Variants in NETO1 observed in about 807,000 individuals in gnomAD.
NETO1 encodes neuropilin and tolloid-like protein 1.
NETO1 carries 26 observed loss-of-function variants against 61.3 expected under a neutral mutation model. The ratio of observed to expected loss-of-function variants is 0.42; its 90% confidence interval spans 0.31 to 0.59. The LOEUF (loss-of-function observed/expected upper bound fraction) is 0.59. Among genes scored for constraint, NETO1 ranks in the 20% least tolerant of loss-of-function variants. The pLI is 0.12. For missense variants in NETO1, 531 were observed against 662.8 expected, an observed-to-expected ratio of 0.80 and a Z score of 2.18; for synonymous variants, 225 against 225.8, an observed-to-expected ratio of 1.00 and a Z score of 0.03.
intron 4 of NETO1, among the ~76,000 whole-genome samples, chr18:72,852,329 C>T (rs1325049617): frequency 6.6e-6 from 1 of 152,172 alleles, no homozygotes; most frequent in East Asian, 1.9e-4. Flanking sequence ...ATTCTCCTGC[C>T]TCAGCCTCCC....
In NETO1 at chr18:72,832,690, C is replaced by T. The variant is rs80316814; in HGVS notation, c.469+26136G>A. Among the ~76,000 whole-genome samples, 4 of 152,300 alleles carry T rather than the reference C, an allele frequency of 2.6e-5. No homozygotes were observed. In the East Asian group the frequency reaches 7.7e-4, roughly 29 times the overall value. On this transcript the variant is annotated intron_variant, in intron 4 of 10. Coordinates refer to ENST00000327305, the MANE Select transcript of NETO1 (RefSeq NM_138966.5). Reference sequence around the variant, plus strand: ...TTTGACTAGACTAACCCAATTTATTCTGCCTGCTGCTCTCATTTGTATAGG... The same window carrying T: ...TTTGACTAGACTAACCCAATTTATTTTGCCTGCTGCTCTCATTTGTATAGG...
chr18:72,850,769 G>A (rs2074224087), intron 4 of NETO1, among the ~76,000 whole-genome samples: 1 of 152,198 alleles, frequency 6.6e-6, no homozygotes, highest in Non-Finnish European at 1.5e-5. Context: ...CTCTTGTCAA[G>A]TGATACAATT....
intron 7 of NETO1, among the ~76,000 whole-genome samples, chr18:72,769,451 T>C (rs889261993): frequency 6.6e-6 from 1 of 152,216 alleles, no homozygotes; most frequent in Non-Finnish European, 1.5e-5. Flanking sequence ...TTTTCTGATA[T>C]TATAGATGAG....
chr18:72,782,952 GTTC>G (rs1219137896), intron 7 of NETO1, among the ~76,000 whole-genome samples: 2 of 152,150 alleles, frequency 1.3e-5, no homozygotes, highest in African/African-American at 2.4e-5. Flanking sequence ...TGAAGTGTCT[GTTC>G]TTCTTTTCAG....
chr18:72,833,949 C>T (rs886329039), intron 4 of NETO1: 19 of 204,084 alleles, frequency 9.3e-5, no homozygotes, highest in African/African-American at 3.1e-4. Flanking sequence ...TTACGACTTC[C>T]ACCTCTTTAA....
intron 4 of NETO1, among the ~76,000 whole-genome samples, chr18:72,824,830 G>C (rs1008187404): frequency 2.0e-5 from 3 of 152,088 alleles, no homozygotes; most frequent in African/African-American, 7.2e-5. Context: ...AGTGAGCCAA[G>C]ATCACTGCAC....
chr18:72,786,882 C>A lies in NETO1; in HGVS notation c.640-2976G>T, dbSNP rs1461068415. Among the ~76,000 whole-genome samples, 4 of 150,876 alleles carry A rather than the reference C, an allele frequency of 2.7e-5. No homozygotes were observed. The South Asian group carries it at 6.4e-4, about 24-fold the overall frequency. On this transcript the variant is annotated intron_variant, in intron 6 of 10. Coordinates refer to ENST00000327305, the MANE Select transcript of NETO1 (RefSeq NM_138966.5). ...AAGCTGGAGGTTGCGCCACTGCACT[C>A]CAGCCTGGGCGACAGAGCGAGACCC...
At chr18:72,795,190 G>A (rs531968511) in intron 4 of NETO1, among the ~76,000 whole-genome samples, 2 of 152,234 alleles carry the variant, frequency 1.3e-5, no homozygotes, top group East Asian at 3.9e-4. Context: ...TCTTGTTCCT[G>A]GAATTGATTT....
chr18:72,827,804 TC>T (rs1568233507), intron 4 of NETO1, among the ~76,000 whole-genome samples: 7 of 151,944 alleles, frequency 4.6e-5, no homozygotes, highest in Non-Finnish European at 1.0e-4. Flanking sequence ...GGACAGTTGC[TC>T]TGACTTACGA....
rs1275366579 is a variant in NETO1 at position 72,794,221 on chromosome 18, A to T, written c.535T>A (p.Ser179Thr). 1 of 1,614,166 alleles carries T rather than the reference A, an allele frequency of 6.2e-7. No homozygotes were observed. The highest frequency in any genetic ancestry group is 8.5e-7 in the Non-Finnish European group (1 of 1,180,020). Residue 179 changes from serine to threonine, a missense_variant, in exon 6 of 11, where the codon TCC becomes ACC. Physicochemically the swap from Ser to Thr is moderately conservative, Grantham distance 58. Coordinates refer to ENST00000327305, the MANE Select transcript of NETO1 (RefSeq NM_138966.5). ...LPACEFEMGGSEGIVESIQIM... is the reference protein window; with the variant it reads ...LPACEFEMGGTEGIVESIQIM... ...TGTATAGACTCCACAATTCCTTCGG[A>T]ACCGCCCATCTCAAACTCACACGCT...
At chr18:72,865,267 ATAAAATACAC>A in intron 1 of NETO1, 26 bp from the exon 2 acceptor site, 1 of 1,541,356 alleles carries the variant, frequency 6.5e-7, no homozygotes, top group Admixed American at 1.7e-5. Flanking sequence ...AAAATTAGAG[ATAAAATACAC>A]TGAAATGATC....
intron 4 of NETO1, among the ~76,000 whole-genome samples, chr18:72,798,482 C>T (rs1840250355): frequency 6.6e-6 from 1 of 152,186 alleles, no homozygotes; most frequent in Non-Finnish European, 1.5e-5. Context: ...TCACAAGCGG[C>T]ATCTGGTGAC....
At chr18:72,822,125 G>A (rs1202299579) in intron 4 of NETO1, among the ~76,000 whole-genome samples, 1 of 152,166 alleles carries the variant, frequency 6.6e-6, no homozygotes, top group Non-Finnish European at 1.5e-5. Context: ...AGGAACGAAG[G>A]TCTTGGATCA....
Position 72,858,931 on chromosome 18 carries a change from T to TG in NETO1, c.363_364insC (p.Asn122GlnfsTer15). 1 of 1,613,946 alleles carries TG rather than the reference T, an allele frequency of 6.2e-7. No homozygotes were observed. Among genetic ancestry groups the TG allele is most frequent in the Non-Finnish European group, 8.5e-7 (1 of 1,179,880 alleles). ...CCACTGGATTTTATGACAGGTGGAT[T>TG]TTGTTGTCCACAGAAACGTCCAATT... On this transcript the variant is annotated frameshift_variant, in exon 4 of 11. Coordinates refer to ENST00000327305, the MANE Select transcript of NETO1 (RefSeq NM_138966.5). LOFTEE classifies it high-confidence loss of function.
rs115686868 is a variant in NETO1 at position 72,835,290 on chromosome 18, T to C, written c.469+23536A>G. 2,430 of 1,590,710 alleles carry C rather than the reference T, an allele frequency of 1.5e-3. 52 individuals are homozygous for C. In the African/African-American group the frequency reaches 0.029, roughly 19 times the overall value. On this transcript the variant is annotated intron_variant, in intron 4 of 10. Transcript: ENST00000327305. ...GAAGGAGAGATCACGAAACACTCTGTAGATCCTGCTAAGGAGTTTGCCTTT... is the reference window on the plus strand; with the variant it reads ...GAAGGAGAGATCACGAAACACTCTGCAGATCCTGCTAAGGAGTTTGCCTTT...
intron 7 of NETO1, among the ~76,000 whole-genome samples, chr18:72,775,605 T>C (rs1221456458): frequency 6.6e-6 from 1 of 152,226 alleles, no homozygotes; most frequent in East Asian, 1.9e-4. Flanking sequence ...AAATTCAGTC[T>C]GTAATCACTC....
intron 7 of NETO1, among the ~76,000 whole-genome samples, chr18:72,760,316 C>G (rs911308021): frequency 7.9e-5 from 12 of 152,188 alleles, no homozygotes; most frequent in Admixed American, 7.2e-4. Flanking sequence ...TTCCTCCTCC[C>G]ACATACACCA....
chr18:72,772,698 CAT>C (rs1485010640), intron 7 of NETO1, among the ~76,000 whole-genome samples: 1 of 148,194 alleles, frequency 6.7e-6, no homozygotes, highest in Non-Finnish European at 1.5e-5. Context: ...TGGAAGGTGG[CAT>C]ATATATATGA....
In NETO1 at chr18:72,836,298, C is replaced by T. The variant is rs148168081; in HGVS notation, c.469+22528G>A. On this transcript the variant is annotated intron_variant, in intron 4 of 10. Coordinates refer to ENST00000327305, the MANE Select transcript of NETO1 (RefSeq NM_138966.5). ...ACTTCCATCAACCTATCAACCTCAA[C>T]TTGAAGTCTCTTTTTCAGGGAAGTC... Among the ~76,000 whole-genome samples the T allele has an allele frequency of 4.1e-3, 624 of 152,258 alleles. 4 individuals carry two copies. Among genetic ancestry groups the T allele is most frequent in the African/African-American group, 0.014 (593 of 41,566 alleles).
Sources: allele counts gnomAD v4.1 joint callset (sites outside exome capture counted in the v4.1 genomes callset), GRCh38; gene constraint gnomAD v4.1.1; transcripts MANE v1.5; gene names NCBI Gene and HGNC (gene_info 2026-07-23, HGNC 2026-07-21).